Variants in KANK1 observed in about 807,000 individuals in gnomAD.
The protein encoded by KANK1 is KN motif and ankyrin repeat domains 1.
KANK1 carries 109 observed loss-of-function variants against 106.2 expected under a neutral mutation model. The observed-to-expected ratio is 1.03, with a 90% confidence interval of 0.88 to 1.20. The LOEUF is 1.20. Among genes scored for constraint, KANK1 ranks in the 50% most tolerant of loss-of-function variants. The pLI, the probability that KANK1 is intolerant of heterozygous loss-of-function variation, is 0.00. For missense variants in KANK1, 2,399 were observed against 1,710.7 expected, an observed-to-expected ratio of 1.40 and a Z score of -7.10; for synonymous variants, 873 against 652.2, an observed-to-expected ratio of 1.34 and a Z score of -5.16.
At chr9:605,483 C>T (rs1318046480) in intron 1 of KANK1, among the ~76,000 whole-genome samples, 1 of 151,478 alleles carries the variant, frequency 6.6e-6, no homozygotes, top group East Asian at 1.9e-4. Flanking sequence ...TCTTTAAGAG[C>T]ACGTGGGAGG....
intron 1 of KANK1, among the ~76,000 whole-genome samples, chr9:641,362 C>G (rs1330000435): frequency 1.3e-5 from 2 of 152,252 alleles, no homozygotes; most frequent in East Asian, 3.9e-4. Flanking sequence ...TTATCAGATA[C>G]CTGCTTTGGT....
intron 2 of KANK1, among the ~76,000 whole-genome samples, chr9:683,520 G>C (rs1033398876): frequency 1.1e-4 from 16 of 152,146 alleles, no homozygotes; most frequent in African/African-American, 3.4e-4. Context: ...GCCAGAAGTT[G>C]GACATGGAGA....
intron 2 of KANK1, among the ~76,000 whole-genome samples, chr9:692,827 C>T (rs1029567630): frequency 2.8e-4 from 43 of 151,936 alleles, no homozygotes; most frequent in African/African-American, 9.4e-4. Flanking sequence ...CCAACCTGGG[C>T]AACATAGTAA....
chr9:514,106 CCCTCTCTT>C, intron 1 of KANK1, among the ~76,000 whole-genome samples: 1 of 145,420 alleles, frequency 6.9e-6, no homozygotes. Flanking sequence ...CTTACTCCCT[CCCTCTCTT>C]CCTCCCTCTC....
At chr9:732,752 T>C in intron 6 of KANK1, 135 bp downstream of exon 6, 3 of 912,936 alleles carry the variant, frequency 3.3e-6, no homozygotes, top group Non-Finnish European at 5.0e-6. Flanking sequence ...CATCTTGAGA[T>C]ACTAATATAT....
intron 2 of KANK1, chr9:693,785 G>T (rs1224950451): frequency 1.0e-6 from 1 of 985,240 alleles, no homozygotes; most frequent in Non-Finnish European, 1.2e-6. Context: ...GTTTCTGGGT[G>T]GGTAAGTAAG....
At chr9:582,866 C>T (rs2131778) in intron 1 of KANK1, among the ~76,000 whole-genome samples, 8,298 of 152,234 alleles carry the variant, frequency 0.055, 765 homozygotes, top group African/African-American at 0.19. Context: ...TTACTATAGA[C>T]GTCACTAACA....
Position 581,351 on chromosome 9 carries a change from G to A in KANK1, c.-84+76597G>A, listed in dbSNP as rs141138366. On this transcript the variant is annotated intron_variant, in intron 1 of 11. Coordinates refer to ENST00000382297, the MANE Select transcript of KANK1 (RefSeq NM_015158.5). ...ACAGACCCTTTACATGGCATTGGTG[G>A]CAAGTGAGACTGGAAATTCTTTGTG... Among the ~76,000 whole-genome samples the A allele has an allele frequency of 4.6e-5, 7 of 152,344 alleles. No individual in the cohort carries two copies. In the East Asian group the frequency reaches 1.4e-3, roughly 29 times the overall value.
At position 646,200 on chromosome 9, in the gene KANK1, A is replaced by C. The variant is rs138281306; in HGVS notation, c.-83-30690A>C. Among the ~76,000 whole-genome samples, 134 of 151,038 alleles carry C rather than the reference A, an allele frequency of 8.9e-4. 15 individuals are homozygous for C. The highest frequency in any genetic ancestry group is 3.2e-3 in the African/African-American group (130 of 40,352). On this transcript the variant is annotated intron_variant, in intron 1 of 11. Transcript: ENST00000382297. ...GGAAATAGGTGGAAAAATATTTAAA[A>C]ATAAATTGTAAGCCAAGCATGGTGG...
chr9:574,724 A>T (rs1343174971), intron 1 of KANK1, among the ~76,000 whole-genome samples: 3 of 151,818 alleles, frequency 2.0e-5, no homozygotes, highest in Admixed American at 6.6e-5. Flanking sequence ...GCATGGTGGC[A>T]CGTGCCTGTG....
chr9:640,989 C>T (rs1410034803), intron 1 of KANK1, among the ~76,000 whole-genome samples: 2 of 152,312 alleles, frequency 1.3e-5, no homozygotes, highest in East Asian at 3.9e-4. Context: ...AGCCACCGCG[C>T]CTGGCCACCA....
chr9:695,614 G>A (rs732118), intron 2 of KANK1, among the ~76,000 whole-genome samples: 122 of 149,148 alleles, frequency 8.2e-4, no homozygotes, highest in Admixed American at 1.2e-3. Flanking sequence ...TTCGTGGGGG[G>A]GGGGGCAAGG....
rs147647745 is a variant in KANK1, at chr9:591,445, C to G, written c.-83-85445C>G. Among the ~76,000 whole-genome samples the G allele has an allele frequency of 2.2e-4, 33 of 151,830 alleles. No homozygotes were observed. The East Asian group carries it at 6.0e-3, about 28-fold the overall frequency. On this transcript the variant is annotated intron_variant, in intron 1 of 11. Coordinates refer to ENST00000382297, the MANE Select transcript of KANK1 (RefSeq NM_015158.5). The stretch of plus-strand genomic sequence containing the variant: ...CGTCATGGCATTCTTGTTATCATGG[C>G]CTGCAGGGCCTGGCACGATCTTGCT...
At chr9:538,192 TTAA>T (rs1184711801) in intron 1 of KANK1, among the ~76,000 whole-genome samples, 50 of 151,458 alleles carry the variant, frequency 3.3e-4, no homozygotes, top group African/African-American at 1.1e-3. Flanking sequence ...AAAAAAAAAG[TTAA>T]TAATAGTGCC....
In KANK1 at chr9:552,252, G is replaced by T. The variant is rs60198106; in HGVS notation, c.-84+47498G>T. ...GTAGAAAGGGAGCTCTGGCCTGCTTGTGTGATTACTGTGGGAGAATGAACA... is the reference window on the plus strand; with the variant it reads ...GTAGAAAGGGAGCTCTGGCCTGCTTTTGTGATTACTGTGGGAGAATGAACA... On this transcript the variant is annotated intron_variant, in intron 1 of 11. Transcript: ENST00000382297. Among the ~76,000 whole-genome samples the T allele has an allele frequency of 6.8e-3, 1,036 of 152,250 alleles. 14 individuals carry two copies. Among genetic ancestry groups the T allele is most frequent in the African/African-American group, 0.023 (945 of 41,546 alleles).
At chr9:719,018 G>C (rs1023407240) in intron 3 of KANK1, among the ~76,000 whole-genome samples, 1 of 136,964 alleles carries the variant, frequency 7.3e-6, no homozygotes, top group African/African-American at 2.8e-5. Context: ...GGAGTGCAGT[G>C]GTGCAATCTC....
chr9:626,315 C>T (rs1455759292), intron 1 of KANK1, among the ~76,000 whole-genome samples: 1 of 151,774 alleles, frequency 6.6e-6, no homozygotes, highest in Admixed American at 6.6e-5. Context: ...GTTAGCCAGG[C>T]GTGGTGGTAC....
intron 1 of KANK1, among the ~76,000 whole-genome samples, chr9:590,092 T>C (rs1478016425): frequency 6.6e-6 from 1 of 152,156 alleles, no homozygotes; most frequent in Non-Finnish European, 1.5e-5. Flanking sequence ...GCAATAACCC[T>C]CTTGTTTCCA....
intron 1 of KANK1, among the ~76,000 whole-genome samples, chr9:604,434 T>G (rs1828572260): frequency 6.6e-6 from 1 of 151,720 alleles, no homozygotes; most frequent in African/African-American, 2.4e-5. Flanking sequence ...TCTAATGGTT[T>G]AAAAGTGTTT....
Sources: allele counts gnomAD v4.1 joint callset (sites outside exome capture counted in the v4.1 genomes callset), GRCh38; gene constraint gnomAD v4.1.1; transcripts MANE v1.5; gene names NCBI Gene and HGNC (gene_info 2026-07-23, HGNC 2026-07-21).